HS3ST5: variants seen among roughly 807,000 people sequenced by gnomAD.
The protein encoded by HS3ST5 is heparan sulfate-glucosamine 3-sulfotransferase 5.
Under a neutral mutation model 25.4 loss-of-function variants are expected in HS3ST5, and 10 were observed. The ratio of observed to expected loss-of-function variants is 0.39; its 90% CI spans 0.24 to 0.67. The LOEUF (loss-of-function observed/expected upper bound fraction) is 0.67. Among genes scored for constraint, HS3ST5 ranks in the 30% least tolerant of loss-of-function variants. HS3ST5 has a pLI of 0.44. For missense variants in HS3ST5, 324 were observed against 420.7 expected, an observed-to-expected ratio of 0.77 and a Z score of 2.01; for synonymous variants, 170 against 162.4, an observed-to-expected ratio of 1.05 and a Z score of -0.36.
At chr6:114,338,885 A>G (rs1276819261) in intron 1 of HS3ST5, among the ~76,000 whole-genome samples, 1 of 152,104 alleles carries the variant, frequency 6.6e-6, no homozygotes, top group Non-Finnish European at 1.5e-5. Context: ...GAATGGTAAC[A>G]GTTTAATTTA....
chr6:114,081,165 G>A (rs550450415), intron 3 of HS3ST5, among the ~76,000 whole-genome samples: 1 of 152,204 alleles, frequency 6.6e-6, no homozygotes, highest in East Asian at 1.9e-4. Flanking sequence ...GTAGTTTATG[G>A]TGCCCGAAAT....
chr6:114,217,737 C>T (rs538160147), intron 2 of HS3ST5, among the ~76,000 whole-genome samples: 5 of 152,278 alleles, frequency 3.3e-5, no homozygotes, highest in African/African-American at 9.6e-5. Flanking sequence ...TCCAAGGTCA[C>T]GCAGCTAGTA....
chr6:114,277,120 C>T (rs1204882814), intron 1 of HS3ST5, among the ~76,000 whole-genome samples: 1 of 151,666 alleles, frequency 6.6e-6, no homozygotes, highest in Non-Finnish European at 1.5e-5. Context: ...GTTTATAAGA[C>T]CACATACCAC....
intron 3 of HS3ST5, among the ~76,000 whole-genome samples, chr6:114,133,209 T>C (rs1408802955): frequency 6.6e-6 from 1 of 152,212 alleles, no homozygotes; most frequent in East Asian, 1.9e-4. Context: ...GGTTCCTCAC[T>C]GCCCTGTCCA....
chr6:114,098,958 ATGTTTT>A (rs1454741755), intron 3 of HS3ST5, among the ~76,000 whole-genome samples: 151 of 152,278 alleles, frequency 9.9e-4, no homozygotes, highest in Non-Finnish European at 1.6e-3. Context: ...ACTATAATGC[ATGTTTT>A]TATTGAGTTT....
intron 1 of HS3ST5, among the ~76,000 whole-genome samples, chr6:114,335,249 T>C (rs955552380): frequency 2.0e-5 from 3 of 149,084 alleles, no homozygotes; most frequent in African/African-American, 7.5e-5. Flanking sequence ...GCAAAATGTA[T>C]AAAGACCTAT....
intron 3 of HS3ST5, among the ~76,000 whole-genome samples, chr6:114,120,239 A>C (rs1215292009): frequency 6.6e-6 from 1 of 152,204 alleles, no homozygotes; most frequent in Non-Finnish European, 1.5e-5. Flanking sequence ...TTAAATATTT[A>C]GTATTCATTA....
chr6:114,080,836 T>C (rs1774413593), intron 3 of HS3ST5, among the ~76,000 whole-genome samples: 1 of 152,126 alleles, frequency 6.6e-6, no homozygotes, highest in South Asian at 2.1e-4. Context: ...GGTATTATGG[T>C]CAGTACCTGG....
intron 2 of HS3ST5, among the ~76,000 whole-genome samples, chr6:114,213,126 T>C (rs1781583672): frequency 6.6e-6 from 1 of 152,010 alleles, no homozygotes; most frequent in African/African-American, 2.4e-5. Context: ...GGATTGGGAA[T>C]GTGGCCTTCC....
At chr6:114,097,752 T>C (rs1775513993) in intron 3 of HS3ST5, among the ~76,000 whole-genome samples, 2 of 151,916 alleles carry the variant, frequency 1.3e-5, no homozygotes, top group Non-Finnish European at 2.9e-5. Flanking sequence ...TCTTTCCTTT[T>C]TTAAAAAAAA....
chr6:114,290,001 A>C (rs1005805396), intron 1 of HS3ST5, among the ~76,000 whole-genome samples: 10 of 152,144 alleles, frequency 6.6e-5, no homozygotes, highest in African/African-American at 2.4e-4. Context: ...GGTTCCAAAA[A>C]GCCACAACAA....
intron 2 of HS3ST5, among the ~76,000 whole-genome samples, chr6:114,225,544 C>T (rs188779009): frequency 1.1e-3 from 162 of 151,984 alleles, no homozygotes; most frequent in African/African-American, 3.7e-3. Flanking sequence ...CTGAGTCAGA[C>T]TTTGAACCCT....
intron 1 of HS3ST5, among the ~76,000 whole-genome samples, chr6:114,317,315 TTTCCTCCCCAAA>T (rs1189778794): frequency 1.3e-5 from 2 of 152,168 alleles, no homozygotes; most frequent in African/African-American, 4.8e-5. Flanking sequence ...GAAGTGCCCT[TTTCCTCCCCAAA>T]TGATCTCCGC....
At chr6:114,201,499 T>C (rs778664358) in intron 2 of HS3ST5, among the ~76,000 whole-genome samples, 9 of 152,140 alleles carry the variant, frequency 5.9e-5, no homozygotes, top group African/African-American at 9.7e-5. Flanking sequence ...TAGTTCTCTC[T>C]CTGACCTCAT....
At chr6:114,184,177 G>A (rs1029897272) in intron 2 of HS3ST5, among the ~76,000 whole-genome samples, 7 of 142,298 alleles carry the variant, frequency 4.9e-5, no homozygotes, top group Admixed American at 4.6e-4. Context: ...CCATTCTCCC[G>A]CCTCTATCTA....
intron 1 of HS3ST5, among the ~76,000 whole-genome samples, chr6:114,264,103 C>A (rs1389073516): frequency 6.6e-6 from 1 of 152,058 alleles, no homozygotes; most frequent in African/African-American, 2.4e-5. Flanking sequence ...TTAAAAACTA[C>A]CTTTTAAACT....
chr6:114,298,355 A>G (rs1267389839), intron 1 of HS3ST5, among the ~76,000 whole-genome samples: 1 of 152,236 alleles, frequency 6.6e-6, no homozygotes, highest in African/African-American at 2.4e-5. Context: ...CCACAGATAC[A>G]CTAATTCTGT....
At chr6:114,264,727 G>C (rs1649643816) in intron 1 of HS3ST5, among the ~76,000 whole-genome samples, 2 of 152,150 alleles carry the variant, frequency 1.3e-5, no homozygotes, top group Admixed American at 6.5e-5. Flanking sequence ...AAGAGTCTAT[G>C]GGATGCCTTG....
intron 2 of HS3ST5, among the ~76,000 whole-genome samples, chr6:114,170,707 A>T (rs956220352): frequency 3.9e-5 from 6 of 152,198 alleles, no homozygotes; most frequent in African/African-American, 1.4e-4. Flanking sequence ...ATTTAAGTAG[A>T]GGAAAGAACT....
Sources: allele counts gnomAD v4.1 joint callset (sites outside exome capture counted in the v4.1 genomes callset), GRCh38; gene constraint gnomAD v4.1.1; transcripts MANE v1.5; gene names NCBI Gene and HGNC (gene_info 2026-07-23, HGNC 2026-07-21).